The following SCAPER variants were observed in gnomAD, a reference collection of about 807,000 sequenced individuals.
The protein encoded by SCAPER is S-phase cyclin A associated protein in the ER, also known as S phase cyclin A-associated protein in the endoplasmic reticulum.
A neutral mutation model predicts 182.2 loss-of-function variants in SCAPER; 98 were observed. The observed-to-expected ratio is 0.54, with a 90% CI of 0.46 to 0.64. SCAPER has a LOEUF of 0.64. Among genes scored for constraint, SCAPER ranks in the 30% least tolerant of loss-of-function variants. The pLI is 0.00. For missense variants in SCAPER, 1,432 were observed against 1,690.0 expected, an observed-to-expected ratio of 0.85 and a Z score of 2.68; for synonymous variants, 605 against 564.6, an observed-to-expected ratio of 1.07 and a Z score of -1.01.
intron 27 of SCAPER, among the ~76,000 whole-genome samples, chr15:76,388,833 C>T (rs1053493312): frequency 6.6e-6 from 1 of 151,676 alleles, no homozygotes; most frequent in Non-Finnish European, 1.5e-5. Context: ...TGGTGGCACA[C>T]GCCTGTAATC....
chr15:76,570,696 C>T (rs2047375168), intron 23 of SCAPER, among the ~76,000 whole-genome samples: 1 of 152,106 alleles, frequency 6.6e-6, no homozygotes, highest in South Asian at 2.1e-4. Context: ...TACTTTCAGG[C>T]TTATCTTTTC....
At chr15:76,355,440 A>G (rs1351442018) in intron 29 of SCAPER, among the ~76,000 whole-genome samples, 1 of 152,232 alleles carries the variant, frequency 6.6e-6, no homozygotes, top group African/African-American at 2.4e-5. Flanking sequence ...TTTATTGATA[A>G]AGGCATTTAC....
chr15:76,576,168 C>T (rs1266522934), intron 22 of SCAPER, among the ~76,000 whole-genome samples: 1 of 152,092 alleles, frequency 6.6e-6, no homozygotes, highest in Admixed American at 6.6e-5. Context: ...CTGAGATCAG[C>T]CTGGGTAACA....
At chr15:76,439,928 T>A (rs961260642) in intron 25 of SCAPER, among the ~76,000 whole-genome samples, 2 of 152,228 alleles carry the variant, frequency 1.3e-5, no homozygotes, top group African/African-American at 4.8e-5. Context: ...GGTATTTCCT[T>A]TAGAATATTT....
At chr15:76,497,106 C>CTTTTTT (rs1196776227) in intron 24 of SCAPER, among the ~76,000 whole-genome samples, 1 of 7,564 alleles carries the variant, frequency 1.3e-4, no homozygotes, top group Non-Finnish European at 5.4e-4. Context: ...GTTTTGGTCT[C>CTTTTTT]CTCTTTTTTT....
At chr15:76,685,208 A>T (rs2057963565) in intron 20 of SCAPER, among the ~76,000 whole-genome samples, 1 of 152,110 alleles carries the variant, frequency 6.6e-6, no homozygotes, top group Non-Finnish European at 1.5e-5. Context: ...CCTAAAGCAA[A>T]CATCGTTTTA....
chr15:76,630,787 G>A (rs1323339093), intron 21 of SCAPER, among the ~76,000 whole-genome samples: 3 of 152,216 alleles, frequency 2.0e-5, no homozygotes, highest in Non-Finnish European at 4.4e-5. Flanking sequence ...TTGGGGTAGA[G>A]AATTCTGTGG....
intron 20 of SCAPER, among the ~76,000 whole-genome samples, chr15:76,674,222 G>A (rs566831951): frequency 6.6e-6 from 1 of 152,108 alleles, no homozygotes; most frequent in African/African-American, 2.4e-5. Context: ...GGTACTAAGC[G>A]TCAATAGCTG....
At chr15:76,476,074 T>G (rs2143007927) in intron 24 of SCAPER, among the ~76,000 whole-genome samples, 2 of 152,318 alleles carry the variant, frequency 1.3e-5, no homozygotes, top group Middle Eastern at 6.8e-3. Context: ...AGGTTGAATG[T>G]GAGTCAAAGA....
At chr15:76,899,409 C>T (rs1464174205) in intron 1 of SCAPER, among the ~76,000 whole-genome samples, 4 of 152,224 alleles carry the variant, frequency 2.6e-5, no homozygotes, top group African/African-American at 9.6e-5. Context: ...GATGAACTGC[C>T]CGCCTCGGCC....
intron 5 of SCAPER, among the ~76,000 whole-genome samples, chr15:76,841,419 G>C (rs185171520): frequency 6.6e-6 from 1 of 152,258 alleles, no homozygotes; most frequent in East Asian, 1.9e-4. Context: ...GGCCGAGATG[G>C]GTGGATCACT....
intron 8 of SCAPER, among the ~76,000 whole-genome samples, chr15:76,779,359 A>T (rs1052445868): frequency 2.0e-5 from 3 of 152,182 alleles, no homozygotes; most frequent in Admixed American, 1.3e-4. Context: ...GGAATTAAAC[A>T]GGAACATTAC....
At chr15:76,822,198 G>C (rs562707757) in intron 5 of SCAPER, among the ~76,000 whole-genome samples, 1 of 152,266 alleles carries the variant, frequency 6.6e-6, no homozygotes, top group Admixed American at 6.5e-5. Context: ...CTCATCAATT[G>C]TAACAAATAT....
At chr15:76,649,041 A>G (rs904529242) in intron 21 of SCAPER, among the ~76,000 whole-genome samples, 2 of 152,204 alleles carry the variant, frequency 1.3e-5, no homozygotes, top group Non-Finnish European at 2.9e-5. Flanking sequence ...GCTTGTCAAT[A>G]AAACTCCATG....
intron 4 of SCAPER, among the ~76,000 whole-genome samples, chr15:76,849,675 C>T (rs976926738): frequency 2.0e-5 from 3 of 152,224 alleles, no homozygotes; most frequent in Non-Finnish European, 1.5e-5. Context: ...AAGAAGCTAT[C>T]AACTGATCAA....
chr15:76,475,344 T>TG (rs2050541476), intron 24 of SCAPER, among the ~76,000 whole-genome samples: 1 of 151,912 alleles, frequency 6.6e-6, no homozygotes, highest in South Asian at 2.1e-4. Context: ...TTTTTTTTTT[T>TG]AAGGTGGAGT....
At chr15:76,405,280 AT>A (rs112695168) in intron 26 of SCAPER, among the ~76,000 whole-genome samples, 105 of 146,164 alleles carry the variant, frequency 7.2e-4, no homozygotes, top group South Asian at 8.7e-4. Flanking sequence ...TGTGCAGTTA[AT>A]TTTTTTTTTT....
chr15:76,839,961 T>C (rs2069305862), intron 5 of SCAPER, among the ~76,000 whole-genome samples: 1 of 152,216 alleles, frequency 6.6e-6, no homozygotes, highest in Non-Finnish European at 1.5e-5. Flanking sequence ...AAAAAGAAAC[T>C]GCTGCTTTGA....
intron 25 of SCAPER, among the ~76,000 whole-genome samples, chr15:76,468,635 G>A (rs2142998483): frequency 6.6e-6 from 1 of 152,246 alleles, no homozygotes; most frequent in African/African-American, 2.4e-5. Flanking sequence ...TCCCTCTTTT[G>A]TGATGTCTCA....
Sources: allele counts gnomAD v4.1 joint callset (sites outside exome capture counted in the v4.1 genomes callset), GRCh38; gene constraint gnomAD v4.1.1; transcripts MANE v1.5; gene names NCBI Gene and HGNC (gene_info 2026-07-23, HGNC 2026-07-21).